The following CREB5 variants were observed in gnomAD, a reference collection of about 807,000 sequenced individuals.
CREB5 encodes cAMP responsive element binding protein 5, also known as cyclic AMP-responsive element-binding protein 5.
A neutral mutation model predicts 57.1 loss-of-function variants in CREB5; 19 were observed. The ratio of observed to expected loss-of-function variants is 0.33; its 90% CI spans 0.23 to 0.49. The LOEUF (loss-of-function observed/expected upper bound fraction) is 0.49. CREB5 is among the 20% of genes least tolerant of loss of function. The probability of loss-of-function intolerance (pLI) is 0.99; values close to 1 mark genes in which losing one functional copy is unlikely to be tolerated. For missense variants in CREB5, 579 were observed against 671.6 expected (o/e 0.86, Z 1.52); for synonymous variants, 238 against 238.3 (o/e 1.00, Z 0.01).
intron 6 of CREB5, among the ~76,000 whole-genome samples, chr7:28,720,902 C>T (rs1399462241): frequency 6.6e-6 from 1 of 152,120 alleles, no homozygotes; most frequent in African/African-American, 2.4e-5. Context: ...AAAAATTTGG[C>T]TAAGCTGTGC....
At chr7:28,352,625 C>T (rs1786255961) in intron 1 of CREB5, among the ~76,000 whole-genome samples, 1 of 152,182 alleles carries the variant, frequency 6.6e-6, no homozygotes, top group Non-Finnish European at 1.5e-5. Context: ...ATGACTGCCA[C>T]AATCTCAGAG....
Position 28,307,550 on chromosome 7 carries a change from G to A in CREB5, c.-25+8109G>A, listed in dbSNP as rs541920519. ...GTTCTTTATAAATTACCCAGTCTAAGGTGTTTTACTATAGCAGCACAAATG... is the reference window on the plus strand; with the variant it reads ...GTTCTTTATAAATTACCCAGTCTAAAGTGTTTTACTATAGCAGCACAAATG... On this transcript the variant is annotated intron_variant, in intron 1 of 9. Coordinates refer to the CREB5 transcript ENST00000396299. Among the ~76,000 whole-genome samples the A allele has an allele frequency of 6.3e-4, 96 of 152,308 alleles. No homozygotes were observed. In the South Asian group the frequency reaches 0.014, roughly 22 times the overall value.
At chr7:28,642,987 T>C (rs57470237) in intron 5 of CREB5, among the ~76,000 whole-genome samples, 21,541 of 95,386 alleles carry the variant, frequency 0.23, 2,444 homozygotes, top group Middle Eastern at 0.26. Context: ...CACACACACA[T>C]ACACACACAC....
rs117355140 is a variant in CREB5, at chr7:28,351,017, T to C, written c.-25+51576T>C. Among the ~76,000 whole-genome samples, 26 of 152,348 alleles carry C rather than the reference T, an allele frequency of 1.7e-4. No homozygotes were observed. In the East Asian group the frequency reaches 4.8e-3, roughly 28 times the overall value. On this transcript the variant is annotated intron_variant, in intron 1 of 9. Transcript: ENST00000396299. ...CTTTTCCTGAATGCCATCCATACAA[T>C]GAGTCTTATGAATTTCCATCTGACA...
intron 1 of CREB5, among the ~76,000 whole-genome samples, chr7:28,310,959 G>C (rs61119607): frequency 6.6e-6 from 1 of 151,840 alleles, no homozygotes; most frequent in African/African-American, 2.4e-5. Flanking sequence ...GAGTCCACAC[G>C]GGACATTTGG....
chr7:28,536,933 T>G (rs1793985970), intron 4 of CREB5, among the ~76,000 whole-genome samples: 1 of 152,206 alleles, frequency 6.6e-6, no homozygotes, highest in Admixed American at 6.5e-5. Context: ...TTTGCTTTTT[T>G]CCAAAAGTGG....
chr7:28,570,634 T>A (rs1795665039), intron 5 of CREB5, 97 bp downstream of exon 5: 4 of 1,396,654 alleles, frequency 2.9e-6, no homozygotes, highest in Non-Finnish European at 3.9e-6. Flanking sequence ...TGGTTGGTTT[T>A]TCTGGCTGTC....
intron 7 of CREB5, among the ~76,000 whole-genome samples, chr7:28,757,803 A>G (rs919737421): frequency 6.6e-6 from 1 of 152,076 alleles, no homozygotes; most frequent in Non-Finnish European, 1.5e-5. Flanking sequence ...CAGATTTTGG[A>G]ATATTTACAT....
At chr7:28,586,812 G>A (rs1796322583) in intron 5 of CREB5, among the ~76,000 whole-genome samples, 1 of 152,234 alleles carries the variant, frequency 6.6e-6, no homozygotes, top group African/African-American at 2.4e-5. Context: ...GAAAGAATGG[G>A]ACGTCCCAGC....
chr7:28,743,645 T>C (rs1372751457), intron 7 of CREB5, among the ~76,000 whole-genome samples: 1 of 152,002 alleles, frequency 6.6e-6, no homozygotes, highest in African/African-American at 2.4e-5. Context: ...ACCACAGAAA[T>C]TCATTTCTCC....
At chr7:28,551,731 C>T (rs1794650894) in intron 4 of CREB5, among the ~76,000 whole-genome samples, 1 of 152,168 alleles carries the variant, frequency 6.6e-6, no homozygotes, top group Non-Finnish European at 1.5e-5. Flanking sequence ...CTGTCTCAGG[C>T]CTCCCAGCTC....
intron 7 of CREB5, among the ~76,000 whole-genome samples, chr7:28,788,901 C>T (rs1807494279): frequency 1.3e-5 from 2 of 151,442 alleles, no homozygotes. Context: ...CTGTACATCA[C>T]CCAGGCTCCC....
At chr7:28,387,216 T>C (rs1349299858) in intron 1 of CREB5, among the ~76,000 whole-genome samples, 1 of 152,220 alleles carries the variant, frequency 6.6e-6, no homozygotes, top group East Asian at 1.9e-4. Flanking sequence ...CATTCCTTTT[T>C]CTCCATAACC....
chr7:28,379,409 C>T (rs973100379), intron 1 of CREB5, among the ~76,000 whole-genome samples: 1 of 152,196 alleles, frequency 6.6e-6, no homozygotes, highest in Non-Finnish European at 1.5e-5. Flanking sequence ...GAGCTATTGT[C>T]TTTGAGATAT....
intron 5 of CREB5, among the ~76,000 whole-genome samples, chr7:28,690,059 C>T (rs932263867): frequency 6.6e-6 from 1 of 152,236 alleles, no homozygotes; most frequent in Non-Finnish European, 1.5e-5. Flanking sequence ...ACAAACTTTC[C>T]ATCACCATCC....
chr7:28,542,869 TA>T (rs1250932938), intron 4 of CREB5, among the ~76,000 whole-genome samples: 1 of 152,174 alleles, frequency 6.6e-6, no homozygotes, highest in Non-Finnish European at 1.5e-5. Context: ...TAAATCTTGT[TA>T]AAAACAAATC....
At chr7:28,560,999 C>T (rs1175090551) in intron 4 of CREB5, among the ~76,000 whole-genome samples, 3,140 of 34,066 alleles carry the variant, frequency 0.092, 621 homozygotes, top group South Asian at 0.13. Context: ...TGTGTGCCTG[C>T]GTGTGCGTGT....
intron 1 of CREB5, among the ~76,000 whole-genome samples, chr7:28,397,420 C>T (rs1284665155): frequency 6.6e-6 from 1 of 152,142 alleles, no homozygotes; most frequent in Non-Finnish European, 1.5e-5. Context: ...CTGTTTGGCC[C>T]TCTTGGGTTA....
chr7:28,486,676 A>ATT (rs1791566789), intron 1 of CREB5, among the ~76,000 whole-genome samples: 1 of 131,456 alleles, frequency 7.6e-6, no homozygotes, highest in Non-Finnish European at 1.6e-5. Context: ...GATTTTATAT[A>ATT]TATATATATA....
Sources: gnomAD v4.1 joint callset for allele counts (sites outside exome capture counted in the v4.1 genomes callset) on GRCh38, gnomAD v4.1.1 for gene constraint, MANE v1.5 for transcripts, NCBI Gene and HGNC (gene_info 2026-07-23, HGNC 2026-07-21) for gene names.